The following ROBO2 variants were observed in gnomAD, a reference collection of about 807,000 sequenced individuals.
The protein encoded by ROBO2 is roundabout homolog 2.
Under a neutral mutation model 160.8 loss-of-function variants are expected in ROBO2, and 53 were observed. The ratio of observed to expected loss-of-function variants is 0.33; its 90% confidence interval spans 0.26 to 0.41. The LOEUF is 0.41. ROBO2 is among the 10% of genes least tolerant of loss of function. The probability of loss-of-function intolerance (pLI) is 1.00; values close to 1 mark genes in which losing one functional copy is unlikely to be tolerated. For synonymous variants in ROBO2, 664 were observed against 611.7 expected (o/e 1.09, Z -1.26); for missense variants, 1,577 against 1,722.4 (o/e 0.92, Z 1.49).
chr3:76,567,033 T>C (rs2108546519), intron 2 of ROBO2, among the ~76,000 whole-genome samples: 1 of 152,262 alleles, frequency 6.6e-6, no homozygotes, highest in East Asian at 1.9e-4. Context: ...CAGCTACCTT[T>C]AGGAGAATAT....
At chr3:76,544,612 C>T (rs915433218) in intron 2 of ROBO2, among the ~76,000 whole-genome samples, 24 of 152,066 alleles carry the variant, frequency 1.6e-4, no homozygotes, top group African/African-American at 5.8e-4. Context: ...CTAGTTCTGT[C>T]CACATAGTTG....
intron 2 of ROBO2, among the ~76,000 whole-genome samples, chr3:76,903,760 C>A (rs1249750301): frequency 6.6e-6 from 1 of 152,118 alleles, no homozygotes. Context: ...ACGATAGGCA[C>A]AGAATTCCCC....
At chr3:77,412,188 A>G (rs1229869390) in intron 2 of ROBO2, among the ~76,000 whole-genome samples, 1 of 152,176 alleles carries the variant, frequency 6.6e-6, no homozygotes, top group African/African-American at 2.4e-5. Context: ...CAGCAAGCCA[A>G]AGACATCTGT....
chr3:77,364,060 A>T (rs2070467306), intron 2 of ROBO2, among the ~76,000 whole-genome samples: 1 of 152,224 alleles, frequency 6.6e-6, no homozygotes, highest in Non-Finnish European at 1.5e-5. Flanking sequence ...AATACAAGGT[A>T]TATGAGGCAA....
At chr3:76,149,659 ATC>A (rs2072075877) in intron 2 of ROBO2, among the ~76,000 whole-genome samples, 2 of 128,368 alleles carry the variant, frequency 1.6e-5, no homozygotes, top group South Asian at 5.4e-4. Context: ...AGCACACATC[ATC>A]TGTCTAAAAC....
chr3:76,908,747 G>T (rs1044729065), intron 2 of ROBO2, among the ~76,000 whole-genome samples: 2 of 152,056 alleles, frequency 1.3e-5, no homozygotes, highest in Non-Finnish European at 2.9e-5. Flanking sequence ...TAGGAGAGTT[G>T]GTTATTCTAC....
intron 2 of ROBO2, among the ~76,000 whole-genome samples, chr3:75,981,564 T>C (rs1026194357): frequency 3.7e-5 from 5 of 134,636 alleles, no homozygotes; most frequent in African/African-American, 1.3e-4. Context: ...GTATTGATAT[T>C]ACACAAGTAC....
At chr3:76,213,444 T>A (rs1703280658) in intron 2 of ROBO2, among the ~76,000 whole-genome samples, 1 of 152,192 alleles carries the variant, frequency 6.6e-6, no homozygotes. Context: ...TCTTAGTGTT[T>A]ATTTCTGATC....
chr3:77,644,617 C>A, intron 24 of ROBO2, 87 bp from the exon 27 acceptor site: 1 of 1,116,142 alleles, frequency 9.0e-7, no homozygotes, highest in Non-Finnish European at 1.4e-6. Context: ...TAAAGTAGGC[C>A]ATTCACAGTG....
At chr3:76,141,354 A>C (rs1375360248) in intron 2 of ROBO2, among the ~76,000 whole-genome samples, 3 of 150,432 alleles carry the variant, frequency 2.0e-5, no homozygotes, top group Admixed American at 1.3e-4. Context: ...TCACAGGGAA[A>C]TGTGTGAGAA....
At chr3:75,917,792 T>G (rs571141340) in intron 1 of ROBO2, among the ~76,000 whole-genome samples, 107 of 152,268 alleles carry the variant, frequency 7.0e-4, no homozygotes, top group South Asian at 2.1e-3. Context: ...GACCAGTGAT[T>G]ATGAGCTTTT....
At chr3:76,226,634 C>A (rs1317073224) in intron 2 of ROBO2, among the ~76,000 whole-genome samples, 1 of 151,970 alleles carries the variant, frequency 6.6e-6, no homozygotes, top group Non-Finnish European at 1.5e-5. Context: ...CTCAACCCAG[C>A]CTAGACAAAA....
intron 5 of ROBO2, among the ~76,000 whole-genome samples, chr3:77,503,189 T>G (rs2087879781): frequency 6.6e-6 from 1 of 151,884 alleles, no homozygotes; most frequent in Non-Finnish European, 1.5e-5. Flanking sequence ...CGTACCCTAC[T>G]ATGTACCCAC....
intron 2 of ROBO2, among the ~76,000 whole-genome samples, chr3:77,304,736 A>G (rs552873251): frequency 6.6e-6 from 1 of 152,238 alleles, no homozygotes; most frequent in East Asian, 1.9e-4. Context: ...AACCATTTCC[A>G]CTTTATTTGT....
At chr3:77,028,969 T>A (rs2063148306) in intron 2 of ROBO2, among the ~76,000 whole-genome samples, 1 of 152,228 alleles carries the variant, frequency 6.6e-6, no homozygotes, top group Non-Finnish European at 1.5e-5. Context: ...GTATGCGTAG[T>A]CTAATTGATC....
chr3:76,454,702 A>G (rs759298478), intron 2 of ROBO2, among the ~76,000 whole-genome samples: 4 of 152,178 alleles, frequency 2.6e-5, no homozygotes, highest in Non-Finnish European at 5.9e-5. Flanking sequence ...TGCCTGGCAC[A>G]CAGGAAGCAC....
intron 6 of ROBO2, among the ~76,000 whole-genome samples, chr3:77,539,860 G>C (rs1291829404): frequency 1.3e-5 from 2 of 152,154 alleles, no homozygotes; most frequent in African/African-American, 4.8e-5. Context: ...GTCAGAGATT[G>C]TTCAGGTTAA....
At chr3:77,594,824 A>G (rs1433560321) in intron 17 of ROBO2, among the ~76,000 whole-genome samples, 2 of 152,196 alleles carry the variant, frequency 1.3e-5, no homozygotes, top group African/African-American at 2.4e-5. Flanking sequence ...ATTCACAATA[A>G]TGCTACGTTG....
At chr3:77,602,483 G>A (rs1453091059) in exon 20 of ROBO2, 2 of 1,614,104 alleles carry the variant, frequency 1.2e-6, no homozygotes, top group Admixed American at 1.7e-5. Flanking sequence ...CAGAACAAAG[G>A]TAACAATGGT....
Sources: allele counts gnomAD v4.1 joint callset (sites outside exome capture counted in the v4.1 genomes callset), GRCh38; gene constraint gnomAD v4.1.1; transcripts MANE v1.5; gene names NCBI Gene and HGNC (gene_info 2026-07-23, HGNC 2026-07-21).